Variants in SORCS1 observed in about 807,000 individuals in gnomAD.
SORCS1 encodes the protein VPS10 domain-containing receptor SorCS1.
In SORCS1, 60 loss-of-function variants were observed where a neutral mutation model predicts 146.1. The observed-to-expected ratio is 0.41, with a 90% CI of 0.33 to 0.51. The LOEUF (loss-of-function observed/expected upper bound fraction) is 0.51. Ranked by LOEUF, SORCS1 falls within the 20% of genes least tolerant of loss-of-function variation. The pLI is 0.21. For synonymous variants in SORCS1, 637 were observed against 584.0 expected, an observed-to-expected ratio of 1.09 and a Z score of -1.31; for missense variants, 1,352 against 1,487.6, an observed-to-expected ratio of 0.91 and a Z score of 1.50.
intron 14 of SORCS1, 136 bp from the exon 15 acceptor site, chr10:106,673,121 T>A (rs1201683307): frequency 1.6e-6 from 1 of 634,414 alleles, no homozygotes; most frequent in South Asian, 2.1e-5. Context: ...TCAAAACGCA[T>A]TCATGAAGAG....
chr10:106,816,248 TC>T (rs1414256101), intron 3 of SORCS1, among the ~76,000 whole-genome samples: 2 of 152,222 alleles, frequency 1.3e-5, no homozygotes, highest in Admixed American at 1.3e-4. Flanking sequence ...AGGCTACTGG[TC>T]AGTCAGAAGT....
At chr10:107,113,122 A>G (rs1965803768) in intron 1 of SORCS1, among the ~76,000 whole-genome samples, 1 of 152,212 alleles carries the variant, frequency 6.6e-6, no homozygotes, top group Non-Finnish European at 1.5e-5. Context: ...ACAATTCTTA[A>G]CAAATTTGAG....
chr10:107,142,129 G>C (rs1426026072), intron 1 of SORCS1, among the ~76,000 whole-genome samples: 1 of 152,140 alleles, frequency 6.6e-6, no homozygotes, highest in African/African-American at 2.4e-5. Context: ...CCCTGGCTTG[G>C]CCCTCTTATT....
chr10:106,823,472 AT>A (rs1948153449), intron 3 of SORCS1, among the ~76,000 whole-genome samples: 1 of 152,232 alleles, frequency 6.6e-6, no homozygotes, highest in Non-Finnish European at 1.5e-5. Flanking sequence ...TTCACAGAGC[AT>A]TTCATTTAAG....
intron 1 of SORCS1, among the ~76,000 whole-genome samples, chr10:106,957,504 C>T (rs1337831617): frequency 1.3e-5 from 2 of 152,090 alleles, no homozygotes; most frequent in African/African-American, 2.4e-5. Flanking sequence ...AATTCCTTCC[C>T]TTTGCTCTAT....
chr10:107,062,122 G>A (rs1961287610), intron 1 of SORCS1, among the ~76,000 whole-genome samples: 1 of 152,056 alleles, frequency 6.6e-6, no homozygotes, highest in African/African-American at 2.4e-5. Context: ...CATGCAGCTA[G>A]GAAGCTACCT....
chr10:106,603,205 C>A (rs962774685), intron 23 of SORCS1, among the ~76,000 whole-genome samples: 2 of 152,094 alleles, frequency 1.3e-5, no homozygotes, highest in African/African-American at 4.8e-5. Flanking sequence ...CTGAGGACTC[C>A]GAGGGGAGCA....
At chr10:106,818,188 C>G (rs1332067121) in intron 3 of SORCS1, among the ~76,000 whole-genome samples, 3 of 152,098 alleles carry the variant, frequency 2.0e-5, no homozygotes, top group African/African-American at 7.2e-5. Context: ...GCCAGTAGTA[C>G]TTAAGATACA....
At chr10:106,759,785 A>G (rs1858934497) in intron 5 of SORCS1, among the ~76,000 whole-genome samples, 1 of 152,064 alleles carries the variant, frequency 6.6e-6, no homozygotes, top group Non-Finnish European at 1.5e-5. Flanking sequence ...TTTCCCATAC[A>G]CAGATTCCCG....
intron 2 of SORCS1, among the ~76,000 whole-genome samples, chr10:106,934,558 C>A (rs946527194): frequency 6.6e-6 from 1 of 152,150 alleles, no homozygotes; most frequent in Non-Finnish European, 1.5e-5. Flanking sequence ...TGCACCCGGC[C>A]AGTATGGAGA....
At position 106,948,733 on chromosome 10, in the gene SORCS1, G is replaced by A. The variant is rs535481019; in HGVS notation, c.626+7780C>T. Among the ~76,000 whole-genome samples the A allele has an allele frequency of 2.0e-5, 3 of 152,110 alleles. No homozygotes were observed. In the South Asian group the frequency reaches 6.2e-4, roughly 32 times the overall value. On this transcript the variant is annotated intron_variant, in intron 2 of 25. Coordinates refer to ENST00000263054, the MANE Select transcript of SORCS1 (RefSeq NM_052918.5). ...CCAGCACTTTGGGAGGCTGAGACAG[G>A]CAGATCACAAGGTCAGGAGATTGAG... is the stretch of plus-strand genomic sequence containing the variant.
chr10:106,778,357 A>G (rs969851951), intron 3 of SORCS1, among the ~76,000 whole-genome samples: 1 of 152,110 alleles, frequency 6.6e-6, no homozygotes, highest in African/African-American at 2.4e-5. Flanking sequence ...ACCATGTTCC[A>G]GGAAAGCCAC....
At chr10:106,723,521 GT>G (rs2135956249) in intron 6 of SORCS1, among the ~76,000 whole-genome samples, 1 of 152,136 alleles carries the variant, frequency 6.6e-6, no homozygotes, top group Admixed American at 6.6e-5. Flanking sequence ...CAATAAATAT[GT>G]TCAAAAATTT....
chr10:106,669,223 G>A (rs1408961070), intron 16 of SORCS1, among the ~76,000 whole-genome samples: 1 of 150,492 alleles, frequency 6.6e-6, no homozygotes, highest in African/African-American at 2.5e-5. Context: ...TTCTGGACTA[G>A]CTTACAATTG....
At chr10:106,678,142 T>C (rs959790236) in intron 12 of SORCS1, among the ~76,000 whole-genome samples, 1 of 152,132 alleles carries the variant, frequency 6.6e-6, no homozygotes, top group African/African-American at 2.4e-5. Context: ...TTGCCTGGAG[T>C]TACATTACAG....
chr10:106,989,248 T>G (rs1308379656), intron 1 of SORCS1, among the ~76,000 whole-genome samples: 1 of 121,364 alleles, frequency 8.2e-6, no homozygotes, highest in Non-Finnish European at 1.6e-5. Flanking sequence ...CCAGCCTGGG[T>G]GTCAGTGAAA....
At chr10:107,003,213 C>G (rs925806462) in intron 1 of SORCS1, among the ~76,000 whole-genome samples, 13 of 151,912 alleles carry the variant, frequency 8.6e-5, no homozygotes, top group Non-Finnish European at 1.2e-4. Flanking sequence ...TGAGATCACA[C>G]CACTGCACTC....
chr10:106,717,309 C>T (rs1233255001), intron 6 of SORCS1, among the ~76,000 whole-genome samples: 4 of 152,198 alleles, frequency 2.6e-5, no homozygotes, highest in African/African-American at 4.8e-5. Flanking sequence ...CGTGTCAACA[C>T]GCTGCTGTTC....
At chr10:106,832,230 C>A (rs1292110567) in intron 2 of SORCS1, among the ~76,000 whole-genome samples, 1 of 150,644 alleles carries the variant, frequency 6.6e-6, no homozygotes. Flanking sequence ...ACTCTGTCAC[C>A]CAGGCTGGAG....
Sources: allele counts gnomAD v4.1 joint callset (sites outside exome capture counted in the v4.1 genomes callset), GRCh38; gene constraint gnomAD v4.1.1; transcripts MANE v1.5; gene names NCBI Gene and HGNC (gene_info 2026-07-23, HGNC 2026-07-21).